The following DLGAP2 variants were observed in gnomAD, a reference collection of about 807,000 sequenced individuals.
DLGAP2 encodes DLG associated protein 2.
A neutral mutation model predicts 100.3 loss-of-function variants in DLGAP2; 26 were observed. The ratio of observed to expected loss-of-function variants is 0.26; its 90% confidence interval spans 0.19 to 0.36. The LOEUF is 0.36. Ranked by LOEUF, DLGAP2 falls within the 10% of genes least tolerant of loss-of-function variation. The pLI is 1.00. For synonymous variants in DLGAP2, 886 were observed against 630.1 expected (o/e 1.41, Z -6.08); for missense variants, 1,858 against 1,453.2 (o/e 1.28, Z -4.53).
intron 4 of DLGAP2, among the ~76,000 whole-genome samples, chr8:1,530,591 C>T (rs1296329806): frequency 6.6e-6 from 1 of 152,108 alleles, no homozygotes; most frequent in African/African-American, 2.4e-5. Flanking sequence ...CACAAGGGTA[C>T]TGAATGGGGA....
chr8:973,134 C>G (rs1316008152), intron 2 of DLGAP2, among the ~76,000 whole-genome samples: 1 of 152,240 alleles, frequency 6.6e-6, no homozygotes, highest in African/African-American at 2.4e-5. Flanking sequence ...CTGTTGGGTA[C>G]ACCTCCCAGA....
In DLGAP2 at chr8:1,293,591, T is replaced by G. The variant is rs151128576; in HGVS notation, c.106+34708T>G. Among the ~76,000 whole-genome samples, 9 of 152,314 alleles carry G rather than the reference T, an allele frequency of 5.9e-5. No individual in the cohort carries two copies. In the East Asian group the frequency reaches 1.2e-3, roughly 20 times the overall value. ...TCTTCATTTCCTTCTGTGCTAAAAT[T>G]TATTTGTCACAGCCTCAGCCATTAA... On this transcript the variant is annotated intron_variant, in intron 3 of 14. Coordinates refer to ENST00000637795, the MANE Select transcript of DLGAP2 (RefSeq NM_001346810.2).
intron 6 of DLGAP2, chr8:1,621,611 G>C (rs1238319164): frequency 6.6e-6 from 1 of 152,166 alleles, no homozygotes; most frequent in Non-Finnish European, 1.5e-5. Flanking sequence ...ACTCTGCTCA[G>C]AAGCCACTGA....
intron 2 of DLGAP2, among the ~76,000 whole-genome samples, chr8:936,038 C>T (rs780786465): frequency 1.3e-5 from 2 of 152,138 alleles, no homozygotes; most frequent in Admixed American, 6.5e-5. Context: ...CAGTGGGACC[C>T]GTCTCCAACC....
intron 2 of DLGAP2, among the ~76,000 whole-genome samples, chr8:1,198,914 G>A (rs555936503): frequency 1.4e-4 from 21 of 152,374 alleles, no homozygotes; most frequent in South Asian, 6.2e-4. Context: ...GGCAGCGGGC[G>A]TGTGTGCCCG....
chr8:1,546,284 T>C (rs535538261), intron 4 of DLGAP2, among the ~76,000 whole-genome samples: 1 of 152,170 alleles, frequency 6.6e-6, no homozygotes, highest in Admixed American at 6.5e-5. Flanking sequence ...CTGTTTACTG[T>C]GAGAATATGC....
At chr8:1,203,045 C>T (rs187945221) in intron 2 of DLGAP2, among the ~76,000 whole-genome samples, 6 of 152,296 alleles carry the variant, frequency 3.9e-5, no homozygotes, top group African/African-American at 1.2e-4. Context: ...ACATCCACGC[C>T]GGTTCCGTAA....
intron 3 of DLGAP2, among the ~76,000 whole-genome samples, chr8:1,367,124 G>A (rs779061080): frequency 1.3e-5 from 2 of 152,170 alleles, no homozygotes; most frequent in East Asian, 1.9e-4. Context: ...CACAGACCCC[G>A]GTGACTATAT....
chr8:1,098,448 C>A (rs1585056943), intron 2 of DLGAP2, among the ~76,000 whole-genome samples: 2 of 152,290 alleles, frequency 1.3e-5, no homozygotes, highest in Admixed American at 6.5e-5. Flanking sequence ...TGCTTTTTTA[C>A]AACTTGGTGG....
At position 1,553,448 on chromosome 8, in the gene DLGAP2, T is replaced by C. The variant is rs78454110; in HGVS notation, c.1230+3765T>C. On this transcript the variant is annotated intron_variant, in intron 5 of 14. Coordinates refer to ENST00000637795, the MANE Select transcript of DLGAP2 (RefSeq NM_001346810.2). ...GTTCACGGGCAGCAGCCCTGTTTTA[T>C]TCGGCGTGTTCACGGTCAGCAGCCC... 0.021 allele frequency among the ~76,000 whole-genome samples: 107 copies of C among 5,164 alleles called. No homozygotes were observed. In the East Asian group the frequency reaches 0.25, roughly 12 times the overall value. The allele number at this position is 5,164 out of a possible 152,430, so 3.4% of individuals were successfully genotyped here.
chr8:791,318 A>G (rs549467234), intron 1 of DLGAP2, among the ~76,000 whole-genome samples: 89 of 152,306 alleles, frequency 5.8e-4, no homozygotes, highest in African/African-American at 2.0e-3. Flanking sequence ...CCCTCCACAG[A>G]GAAGCCCAGG....
At chr8:996,412 G>T (rs530979087) in intron 2 of DLGAP2, among the ~76,000 whole-genome samples, 1 of 151,968 alleles carries the variant, frequency 6.6e-6, no homozygotes, top group Admixed American at 6.5e-5. Flanking sequence ...CTCAGCGTGT[G>T]TGCTTTGAGC....
intron 1 of DLGAP2, among the ~76,000 whole-genome samples, chr8:816,926 G>A (rs1796491207): frequency 6.6e-6 from 1 of 152,128 alleles, no homozygotes. Flanking sequence ...GGATCACAAG[G>A]TCAGGAGATC....
In DLGAP2 at chr8:1,178,892, C is replaced by G. The variant is rs568175866; in HGVS notation, c.74-79959C>G. On this transcript the variant is annotated intron_variant, in intron 2 of 14. Transcript: ENST00000637795. ...ACTGCTCTTTCAGTTAGGAGCCCCC[C>G]TGCCCCACACCATTGCCCCTTCAGC... Among the ~76,000 whole-genome samples the G allele has an allele frequency of 6.9e-4, 105 of 152,298 alleles. 1 individual carries two copies. Among genetic ancestry groups the G allele is most frequent in the Non-Finnish European group, 1.1e-3 (73 of 68,018 alleles).
intron 3 of DLGAP2, among the ~76,000 whole-genome samples, chr8:1,437,109 C>T (rs1797660192): frequency 6.6e-6 from 1 of 150,888 alleles, no homozygotes; most frequent in Admixed American, 6.6e-5. Context: ...TCCGGGTCTC[C>T]GTTCAGCCCA....
At chr8:934,512 C>T (rs1165515691) in intron 2 of DLGAP2, among the ~76,000 whole-genome samples, 2 of 152,212 alleles carry the variant, frequency 1.3e-5, no homozygotes, top group African/African-American at 2.4e-5. Context: ...GCCTTGGTTT[C>T]TGCCCATCCC....
At chr8:1,323,065 C>T (rs1800942787) in intron 3 of DLGAP2, among the ~76,000 whole-genome samples, 1 of 150,452 alleles carries the variant, frequency 6.6e-6, no homozygotes, top group Non-Finnish European at 1.5e-5. Context: ...GAGTCTCGCT[C>T]TGTTACCCAG....
chr8:1,145,366 G>T (rs1796588388), intron 2 of DLGAP2, among the ~76,000 whole-genome samples: 1 of 152,190 alleles, frequency 6.6e-6, no homozygotes, highest in Non-Finnish European at 1.5e-5. Context: ...GCATGGGCTT[G>T]TTGGCTGCGG....
intron 6 of DLGAP2, among the ~76,000 whole-genome samples, chr8:1,588,664 G>A (rs1796198128): frequency 1.3e-5 from 2 of 150,910 alleles, no homozygotes; most frequent in African/African-American, 4.9e-5. Context: ...AACTTTGGGA[G>A]GCTGAGGCAG....
Sources: gnomAD v4.1 joint callset for allele counts (sites outside exome capture counted in the v4.1 genomes callset) on GRCh38, gnomAD v4.1.1 for gene constraint, MANE v1.5 for transcripts, NCBI Gene and HGNC (gene_info 2026-07-23, HGNC 2026-07-21) for gene names.